The following SV2B variants were observed in gnomAD, a reference collection of about 807,000 sequenced individuals.
SV2B encodes synaptic vesicle glycoprotein 2B.
Under a neutral mutation model 73.9 loss-of-function variants are expected in SV2B, and 41 were observed. The ratio of observed to expected loss-of-function variants is 0.56; its 90% confidence interval spans 0.43 to 0.72. The LOEUF is 0.72. SV2B is among the 30% of genes least tolerant of loss of function. The pLI is 0.00. For missense variants in SV2B, 764 were observed against 857.8 expected (o/e 0.89, Z 1.37); for synonymous variants, 314 against 314.2 (o/e 1.00, Z 0.01).
intron 1 of SV2B, among the ~76,000 whole-genome samples, chr15:91,188,367 G>A (rs2044861046): frequency 6.6e-6 from 1 of 151,966 alleles, no homozygotes; most frequent in Admixed American, 6.6e-5. Context: ...AGGCTGGAGT[G>A]CAGTGGCAAG....
chr15:91,112,396 T>C (rs536794670), intron 1 of SV2B, among the ~76,000 whole-genome samples: 1 of 152,326 alleles, frequency 6.6e-6, no homozygotes, highest in Admixed American at 6.5e-5. Flanking sequence ...AAGTTTGGTT[T>C]GGTCTTGGTC....
At chr15:91,127,180 T>C (rs1596448145) in intron 1 of SV2B, among the ~76,000 whole-genome samples, 1 of 152,342 alleles carries the variant, frequency 6.6e-6, no homozygotes, top group East Asian at 1.9e-4. Flanking sequence ...AGCTTCCAGC[T>C]CTGAGCTGGG....
chr15:91,226,353 T>C lies in SV2B; in HGVS notation c.90T>C (p.Asp30=), dbSNP rs2046378001. Residue 30 remains aspartate, a synonymous_variant, in exon 2 of 13, where the codon GAT becomes GAC. Coordinates refer to ENST00000394232, the MANE Select transcript of SV2B (RefSeq NM_001323032.3). ...YRGNESNPEE[D]AQSDVTEGHD... The stretch of plus-strand genomic sequence containing the variant: ...GCAATGAGTCCAACCCAGAAGAAGA[T>C]GCACAGAGTGATGTCACCGAAGGCC... The C allele has an allele frequency of 1.2e-6, 2 of 1,613,868 alleles. No homozygotes were observed. Among genetic ancestry groups the C allele is most frequent in the Admixed American group, 3.3e-5 (2 of 60,002 alleles).
chr15:91,189,314 A>G (rs543022813), intron 1 of SV2B, among the ~76,000 whole-genome samples: 4 of 152,210 alleles, frequency 2.6e-5, no homozygotes, highest in Admixed American at 2.0e-4. Context: ...GTAGGCATCC[A>G]TTCCAACACG....
intron 1 of SV2B, among the ~76,000 whole-genome samples, chr15:91,170,488 A>G (rs2044085665): frequency 6.6e-6 from 1 of 152,124 alleles, no homozygotes; most frequent in African/African-American, 2.4e-5. Flanking sequence ...GAGTTTTACC[A>G]TGTTGGCCAG....
chr15:91,231,893 A>G lies in SV2B; in HGVS notation c.451+5179A>G, dbSNP rs2046588961. The stretch of plus-strand genomic sequence containing the variant: ...CTGGGGCATGGTGTCTGTGCCAGCC[A>G]TACGGAGGACACAGAGCAATGTCAG... On this transcript the variant is annotated intron_variant, in intron 2 of 12. Coordinates refer to ENST00000394232, the MANE Select transcript of SV2B (RefSeq NM_001323032.3). The surrounding 1 kb of genome is among the most constrained non-coding windows in gnomAD (Gnocchi z 4.5). 6.6e-6 allele frequency among the ~76,000 whole-genome samples: 1 copy of G among 152,220 alleles called. No individual in the cohort carries two copies. Among genetic ancestry groups the G allele is most frequent in the African/African-American group, 2.4e-5 (1 of 41,458 alleles).
At chr15:91,198,047 C>G (rs1264266743) in intron 1 of SV2B, among the ~76,000 whole-genome samples, 1 of 151,980 alleles carries the variant, frequency 6.6e-6, no homozygotes, top group Non-Finnish European at 1.5e-5. Context: ...AACAAACAAA[C>G]AAAAATACAC....
intron 9 of SV2B, among the ~76,000 whole-genome samples, chr15:91,278,087 T>G (rs1038285330): frequency 1.3e-5 from 2 of 152,220 alleles, no homozygotes; most frequent in African/African-American, 4.8e-5. Flanking sequence ...GAACATTTTC[T>G]GATTCTTCAT....
rs1484142797 is a variant in SV2B, at chr15:91,130,968, G to A, written c.-392+30605G>A. On this transcript the variant is annotated intron_variant, in intron 1 of 12. Transcript: ENST00000394232. This position sits in a 1 kb window ranked among gnomAD's most constrained non-coding sequence, Gnocchi z 5.6. ...GTTCAGGAACACATGGGAGGGTGTG[G>A]GGCTGAGAGCAGTCGGGGGTTAGCC... Among the ~76,000 whole-genome samples the A allele has an allele frequency of 1.3e-5, 2 of 151,976 alleles. No individual in the cohort carries two copies. Among genetic ancestry groups the A allele is most frequent in the Non-Finnish European group, 2.9e-5 (2 of 67,990 alleles).
chr15:91,212,287 T>A (rs1198587911), intron 1 of SV2B, among the ~76,000 whole-genome samples: 1 of 152,226 alleles, frequency 6.6e-6, no homozygotes, highest in African/African-American at 2.4e-5. Flanking sequence ...TTACCCCAAA[T>A]CTATCTCTGT....
chr15:91,200,419 C>G (rs1356944081), intron 1 of SV2B, among the ~76,000 whole-genome samples: 1 of 152,140 alleles, frequency 6.6e-6, no homozygotes, highest in Non-Finnish European at 1.5e-5. Context: ...TTTTTGAATG[C>G]ATTTACCTGG....
chr15:91,283,911 A>T lies in SV2B; in HGVS notation c.1508-110A>T. ...GACTTTGAGGCTGTCTGACTGGCAA[A>T]GGCTGGCACAGCCTGCCTACAGGAG... On this transcript the variant is annotated intron_variant, in intron 10 of 12. Transcript: ENST00000394232. The surrounding 1 kb of genome is among the most constrained non-coding windows in gnomAD (Gnocchi z 4.3). The T allele has an allele frequency of 8.7e-7, 1 of 1,149,012 alleles. No homozygotes were observed. Among genetic ancestry groups the T allele is most frequent in the Non-Finnish European group, 1.3e-6 (1 of 783,986 alleles). 71.2% of individuals were successfully genotyped at this position (1,149,012 alleles called of 1,614,324 possible). A position where few individuals can be genotyped will look rare whatever the true frequency, so the allele number is the denominator to read the frequency against.
intron 9 of SV2B, among the ~76,000 whole-genome samples, chr15:91,272,784 C>T (rs979300155): frequency 1.3e-5 from 2 of 150,982 alleles, no homozygotes; most frequent in Admixed American, 6.6e-5. Context: ...AAATGTTACA[C>T]GCCAAGGCTC....
intron 1 of SV2B, among the ~76,000 whole-genome samples, chr15:91,157,936 G>GGTCT (rs1243494720): frequency 5.9e-5 from 9 of 152,184 alleles, no homozygotes; most frequent in Non-Finnish European, 1.3e-4. Context: ...TGACCTTCTA[G>GGTCT]GTCTGTCTGG....
Position 91,292,445 on chromosome 15 carries a change from G to T in SV2B, c.1945G>T (p.Val649Phe). The T allele has an allele frequency of 6.2e-7, 1 of 1,614,138 alleles. No individual in the cohort carries two copies. Among genetic ancestry groups the T allele is most frequent in the Non-Finnish European group, 8.5e-7 (1 of 1,180,016 alleles). Residue 649 changes from valine to phenylalanine, a missense_variant, in exon 13 of 13, where the codon GTT (valine) becomes TTT (phenylalanine). Physicochemically the swap from Val to Phe is conservative, Grantham distance 50 (BLOSUM62 -1). Transcript: ENST00000394232. Reference protein sequence around the residue: ...ILGNTIFASFVGITKVVPILL... With the variant: ...ILGNTIFASFFGITKVVPILL... Reference sequence around the variant, plus strand: ...GGGAAACACCATCTTTGCTTCTTTTGTTGGGATAACCAAAGTGGTCCCCAT... The same window carrying T: ...GGGAAACACCATCTTTGCTTCTTTTTTTGGGATAACCAAAGTGGTCCCCAT...
rs1267637173 is a variant in SV2B, at chr15:91,223,300, T to C, written c.-391-2573T>C. Among the ~76,000 whole-genome samples the C allele has an allele frequency of 6.6e-6, 1 of 152,196 alleles. No individual in the cohort carries two copies. Among genetic ancestry groups the C allele is most frequent in the Non-Finnish European group, 1.5e-5 (1 of 68,040 alleles). ...ATACCTTCACGCTATAGGGACACAA[T>C]TCAGCCAGTACCATTGAAAATGATT... On this transcript the variant is annotated intron_variant, in intron 1 of 12. Transcript: ENST00000394232. This position sits in a 1 kb window ranked among gnomAD's most constrained non-coding sequence, Gnocchi z 4.6.
At chr15:91,198,643 T>C (rs1014448659) in intron 1 of SV2B, among the ~76,000 whole-genome samples, 3 of 152,254 alleles carry the variant, frequency 2.0e-5, no homozygotes, top group Non-Finnish European at 2.9e-5. Context: ...GTTTCTGCTT[T>C]GGATAACTGG....
At position 91,130,645 on chromosome 15, in the gene SV2B, TGTCA is replaced by T. The variant is rs1322358834; in HGVS notation, c.-392+30288_-392+30291del. The stretch of plus-strand genomic sequence containing the variant: ...CAGGGACCAAGAGGAAGCTCCTGCG[TGTCA>T]GTCAGGATGTGGCTTGTGAGTCTTG... On this transcript the variant is annotated intron_variant, in intron 1 of 12. Transcript: ENST00000394232. This position sits in a 1 kb window ranked among gnomAD's most constrained non-coding sequence, Gnocchi z 5.6. Among the ~76,000 whole-genome samples the T allele has an allele frequency of 6.6e-6, 1 of 152,254 alleles. No individual in the cohort carries two copies. Among genetic ancestry groups the T allele is most frequent in the Non-Finnish European group, 1.5e-5 (1 of 68,020 alleles).
intron 1 of SV2B, among the ~76,000 whole-genome samples, chr15:91,151,006 G>A (rs1325538990): frequency 6.6e-6 from 1 of 152,206 alleles, no homozygotes; most frequent in African/African-American, 2.4e-5. Context: ...CTGGGAGGGG[G>A]CATGGGTTCC....
Sources: allele counts gnomAD v4.1 joint callset (sites outside exome capture counted in the v4.1 genomes callset), GRCh38; gene constraint gnomAD v4.1.1; non-coding constraint Gnocchi (gnomAD v3.1); transcripts MANE v1.5; gene names NCBI Gene and HGNC (gene_info 2026-07-23, HGNC 2026-07-21).